Variants in CUX1 observed in about 807,000 individuals in gnomAD.
The protein encoded by CUX1 is cut like homeobox 1.
In CUX1, 31 loss-of-function variants were observed where a neutral mutation model predicts 158.8. That is an observed-to-expected ratio of 0.20 (90% CI 0.15 to 0.26). The LOEUF is 0.26. CUX1 is among the 10% of genes least tolerant of loss of function. The pLI is 1.00. For missense variants in CUX1, 1,589 were observed against 2,014.6 expected (o/e 0.79, Z 4.04); for synonymous variants, 879 against 862.1 (o/e 1.02, Z -0.34).
rs1801353493 is a variant in CUX1 at position 102,250,264 on chromosome 7, GGA to G, written c.*1228_*1229del. ...GCACGTGTGCAAGCATTGAAAGAAA[GGA>G]GAGAGTAGTCCGGGCGAGCACAGCA... is the stretch of plus-strand genomic sequence containing the variant. On this transcript the variant is annotated 3_prime_UTR_variant, in exon 24 of 24. Transcript: ENST00000292535. The G allele has an allele frequency of 3.8e-5, 37 of 985,290 alleles. 1 individual carries two copies. In the Admixed American group the frequency reaches 2.3e-3, roughly 61 times the overall value. The allele number at this position is 985,290 out of a possible 1,614,324, so 61.0% of individuals were successfully genotyped here. A position where few individuals can be genotyped will look rare whatever the true frequency, so the allele number is the denominator to read the frequency against.
chr7:102,016,052 C>T (rs370330), intron 2 of CUX1, among the ~76,000 whole-genome samples: 115 of 152,126 alleles, frequency 7.6e-4, no homozygotes, highest in African/African-American at 2.4e-3. Context: ...TAGGCTCAAG[C>T]GATCCTCCCT....
intron 23 of CUX1, among the ~76,000 whole-genome samples, chr7:102,244,206 C>A (rs78570926): frequency 2.6e-5 from 4 of 151,986 alleles, no homozygotes; most frequent in Non-Finnish European, 5.9e-5. Context: ...GTGTTAAATC[C>A]CTAACCAAGA....
At chr7:102,243,628 C>T (rs886997749) in intron 23 of CUX1, among the ~76,000 whole-genome samples, 1 of 87,552 alleles carries the variant, frequency 1.1e-5, no homozygotes, top group Non-Finnish European at 2.4e-5. Context: ...CCTGTCTCTA[C>T]AGAAAATAAT....
intron 19 of CUX1, chr7:102,280,683 CT>C: frequency 5.1e-6 from 5 of 977,918 alleles, no homozygotes; most frequent in South Asian, 4.3e-5. Context: ...TGGCAGCCCC[CT>C]GGGGGTCTGC....
At chr7:102,274,199 C>T (rs1791429380) in intron 15 of CUX1, 3 of 1,566,768 alleles carry the variant, frequency 1.9e-6, no homozygotes, top group Non-Finnish European at 2.6e-6. Flanking sequence ...ATATTCCGTG[C>T]CCATTGTGCG....
chr7:102,278,580 G>A (rs56132647), intron 18 of CUX1, among the ~76,000 whole-genome samples: 4,572 of 136,330 alleles, frequency 0.034, 101 homozygotes, highest in Non-Finnish European at 0.051. Flanking sequence ...CAACAAGAGC[G>A]AAACTCCGTC....
intron 3 of CUX1, among the ~76,000 whole-genome samples, chr7:102,055,822 A>G (rs1824062257): frequency 6.6e-6 from 1 of 152,228 alleles, no homozygotes. Context: ...GACTTCTTGC[A>G]CCAGTTAGCC....
chr7:101,927,525 G>A (rs886867966), intron 2 of CUX1, among the ~76,000 whole-genome samples: 1 of 152,060 alleles, frequency 6.6e-6, no homozygotes, highest in Admixed American at 6.6e-5. Context: ...CGGGCGTGGT[G>A]GTGCATACCT....
At chr7:102,174,125 T>C (rs1792033363) in intron 10 of CUX1, among the ~76,000 whole-genome samples, 2 of 152,096 alleles carry the variant, frequency 1.3e-5, no homozygotes, top group South Asian at 4.2e-4. Context: ...TGTTTGTTTG[T>C]TTGTTTTTTA....
intron 3 of CUX1, among the ~76,000 whole-genome samples, chr7:102,030,567 A>C (rs1820626479): frequency 6.6e-6 from 1 of 152,084 alleles, no homozygotes; most frequent in Non-Finnish European, 1.5e-5. Context: ...ATTTGATCCA[A>C]AATCAAATTT....
chr7:102,240,046 C>G (rs1554534412), intron 23 of CUX1, among the ~76,000 whole-genome samples: 1 of 152,174 alleles, frequency 6.6e-6, no homozygotes, highest in Non-Finnish European at 1.5e-5. Flanking sequence ...CCACGCCTGG[C>G]AGTTCCTTAG....
chr7:102,136,669 G>A (rs1267868613), intron 8 of CUX1, among the ~76,000 whole-genome samples: 2 of 152,186 alleles, frequency 1.3e-5, no homozygotes, highest in Non-Finnish European at 2.9e-5. Context: ...GATTTTAGAC[G>A]TGAGCCACCG....
intron 8 of CUX1, among the ~76,000 whole-genome samples, chr7:102,144,685 A>AC (rs71123010): frequency 2.0e-5 from 3 of 151,156 alleles, no homozygotes; most frequent in African/African-American, 4.9e-5. Flanking sequence ...AAAAAAAAAA[A>AC]CAGTAAAAAT....
At chr7:101,945,513 T>A (rs939013857) in intron 2 of CUX1, among the ~76,000 whole-genome samples, 2 of 152,198 alleles carry the variant, frequency 1.3e-5, no homozygotes, top group Admixed American at 6.5e-5. Context: ...GTGTTCTCAT[T>A]ATGCTGGGCA....
chr7:101,816,079 T>A (rs1791727410), upstream of CUX1: 2 of 1,403,728 alleles, frequency 1.4e-6, no homozygotes, highest in Non-Finnish European at 1.9e-6. Flanking sequence ...GCGCTTTGAT[T>A]TACAGCAGCT....
chr7:102,195,116 CA>C (rs35700064), intron 13 of CUX1, among the ~76,000 whole-genome samples: 58,532 of 123,272 alleles, frequency 0.47, 11,817 homozygotes, highest in African/African-American at 0.57. Flanking sequence ...TTGTGGCTGG[CA>C]AAAAAAAAAA....
chr7:102,008,222 G>T (rs1817605066), intron 2 of CUX1, among the ~76,000 whole-genome samples: 1 of 152,156 alleles, frequency 6.6e-6, no homozygotes, highest in Non-Finnish European at 1.5e-5. Context: ...GGTTCTTCTA[G>T]GGGCTTCGGT....
chr7:101,886,915 C>T (rs1800284758), intron 1 of CUX1, among the ~76,000 whole-genome samples: 1 of 152,170 alleles, frequency 6.6e-6, no homozygotes. Context: ...TGCTGCTTCA[C>T]CAGCAACAAG....
chr7:101,990,822 C>G (rs907524010), intron 2 of CUX1, among the ~76,000 whole-genome samples: 10 of 152,188 alleles, frequency 6.6e-5, no homozygotes, highest in Admixed American at 2.6e-4. Context: ...TCAGGGAGGA[C>G]TGCTGGGCTC....
Sources: gnomAD v4.1 joint callset for allele counts (sites outside exome capture counted in the v4.1 genomes callset) on GRCh38, gnomAD v4.1.1 for gene constraint, MANE v1.5 for transcripts, NCBI Gene and HGNC (gene_info 2026-07-23, HGNC 2026-07-21) for gene names.